DLG2: variants seen among roughly 807,000 people sequenced by gnomAD.
The protein encoded by DLG2 is discs large MAGUK scaffold protein 2, also known as disks large homolog 2.
DLG2 carries 45 observed loss-of-function variants against 132.5 expected under a neutral mutation model. The ratio of observed to expected loss-of-function variants is 0.34; its 90% CI spans 0.27 to 0.44. The LOEUF (loss-of-function observed/expected upper bound fraction) is 0.44, where lower values mean the gene tolerates loss of function less well. DLG2 is among the 20% of genes least tolerant of loss of function. The pLI, the probability that DLG2 is intolerant of heterozygous loss-of-function variation, is 1.00. For synonymous variants in DLG2, 424 were observed against 419.6 expected, an observed-to-expected ratio of 1.01 and a Z score of -0.13; for missense variants, 1,045 against 1,196.9, an observed-to-expected ratio of 0.87 and a Z score of 1.87.
At chr11:85,204,626 T>G (rs1315320411) in intron 4 of DLG2, among the ~76,000 whole-genome samples, 1 of 152,054 alleles carries the variant, frequency 6.6e-6, no homozygotes, top group Non-Finnish European at 1.5e-5. Context: ...AATCTACGAA[T>G]TCAATGCAAT....
At chr11:85,540,537 A>G (rs765893544) in intron 3 of DLG2, among the ~76,000 whole-genome samples, 26 of 152,122 alleles carry the variant, frequency 1.7e-4, no homozygotes, top group Non-Finnish European at 3.1e-4. Flanking sequence ...GCTACTTCCA[A>G]TCAATAAAAC....
chr11:84,024,321 G>GC (rs2095481504), intron 11 of DLG2, among the ~76,000 whole-genome samples: 1 of 152,134 alleles, frequency 6.6e-6, no homozygotes, highest in South Asian at 2.1e-4. Flanking sequence ...AGGGTCAACA[G>GC]AAGAAATACA....
At chr11:85,530,470 G>A (rs2075127385) in intron 3 of DLG2, among the ~76,000 whole-genome samples, 1 of 151,696 alleles carries the variant, frequency 6.6e-6, no homozygotes, top group Admixed American at 6.6e-5. Flanking sequence ...ACAGGCACAT[G>A]CCACCACGCC....
intron 18 of DLG2, among the ~76,000 whole-genome samples, chr11:83,718,801 G>T (rs1333701685): frequency 6.6e-6 from 1 of 152,094 alleles, no homozygotes. Context: ...ATGTTGCCCT[G>T]GGGTAAAAAG....
chr11:83,671,866 G>T (rs974509950), intron 18 of DLG2, among the ~76,000 whole-genome samples: 1 of 152,132 alleles, frequency 6.6e-6, no homozygotes, highest in African/African-American at 2.4e-5. Context: ...ATCTCCAATT[G>T]TCTCATTGTC....
chr11:83,970,109 G>A (rs950984274), intron 12 of DLG2, among the ~76,000 whole-genome samples: 2 of 152,146 alleles, frequency 1.3e-5, no homozygotes, highest in East Asian at 3.9e-4. Context: ...AACTGGATTA[G>A]ATTATAAGTG....
At chr11:84,427,578 G>A (rs1164765471) in intron 7 of DLG2, among the ~76,000 whole-genome samples, 1 of 152,060 alleles carries the variant, frequency 6.6e-6, no homozygotes, top group Non-Finnish European at 1.5e-5. Flanking sequence ...ATATAGGAAA[G>A]TCAGTCCTAT....
intron 11 of DLG2, among the ~76,000 whole-genome samples, chr11:83,996,916 A>G (rs1186144187): frequency 6.6e-6 from 1 of 152,124 alleles, no homozygotes; most frequent in East Asian, 1.9e-4. Flanking sequence ...TAGTCCAAAA[A>G]GACAAGTAAA....
intron 18 of DLG2, among the ~76,000 whole-genome samples, chr11:83,716,894 C>T (rs984079644): frequency 1.3e-5 from 2 of 152,024 alleles, no homozygotes; most frequent in Admixed American, 6.6e-5. Context: ...CCTGGAATTG[C>T]GTAGGCATGA....
chr11:84,237,839 C>G (rs1286003326), intron 8 of DLG2, among the ~76,000 whole-genome samples: 1 of 151,848 alleles, frequency 6.6e-6, no homozygotes, highest in Non-Finnish European at 1.5e-5. Flanking sequence ...CGTTCAAGAC[C>G]AGCCTGGCCA....
At chr11:85,403,833 T>C (rs2088447252) in intron 3 of DLG2, among the ~76,000 whole-genome samples, 1 of 152,066 alleles carries the variant, frequency 6.6e-6, no homozygotes, top group South Asian at 2.1e-4. Flanking sequence ...GCTGTTGTAA[T>C]ATACCACACA....
intron 3 of DLG2, among the ~76,000 whole-genome samples, chr11:85,386,849 G>C (rs2086374705): frequency 1.4e-5 from 2 of 147,168 alleles, no homozygotes; most frequent in Non-Finnish European, 3.0e-5. Context: ...TAAGACAATA[G>C]GAAGGCAACC....
intron 3 of DLG2, among the ~76,000 whole-genome samples, chr11:85,369,250 C>A (rs956496251): frequency 6.6e-6 from 1 of 152,134 alleles, no homozygotes; most frequent in Admixed American, 6.5e-5. Context: ...GGGTGTATGG[C>A]CCAAGGGTCC....
At chr11:84,354,089 C>A (rs1223922291) in intron 7 of DLG2, among the ~76,000 whole-genome samples, 12 of 152,156 alleles carry the variant, frequency 7.9e-5, no homozygotes, top group African/African-American at 2.7e-4. Flanking sequence ...CTCAAAAAAT[C>A]TGAATTAATG....
intron 3 of DLG2, among the ~76,000 whole-genome samples, chr11:85,291,941 T>C (rs576829359): frequency 1.3e-5 from 2 of 152,292 alleles, no homozygotes; most frequent in South Asian, 2.1e-4. Context: ...TTAAGACATA[T>C]GCCTTACGCT....
chr11:85,594,342 T>C (rs1180124426), intron 3 of DLG2, among the ~76,000 whole-genome samples: 2 of 152,196 alleles, frequency 1.3e-5, no homozygotes, highest in Non-Finnish European at 1.5e-5. Context: ...TAACACAAAG[T>C]CTAACATGTA....
At chr11:83,588,730 T>C (rs1593916485) in intron 19 of DLG2, among the ~76,000 whole-genome samples, 1 of 151,466 alleles carries the variant, frequency 6.6e-6, no homozygotes, top group African/African-American at 2.4e-5. Flanking sequence ...GCAAAGAAGT[T>C]GAAAACTTTG....
At chr11:84,047,200 T>C (rs1314658698) in intron 11 of DLG2, among the ~76,000 whole-genome samples, 1 of 151,714 alleles carries the variant, frequency 6.6e-6, no homozygotes, top group African/African-American at 2.4e-5. Flanking sequence ...TTTATTCTCA[T>C]TCCTTTAATT....
chr11:85,173,427 G>A (rs1266419618), intron 4 of DLG2, among the ~76,000 whole-genome samples: 1 of 152,166 alleles, frequency 6.6e-6, no homozygotes, highest in East Asian at 1.9e-4. Context: ...AAATGCTGAT[G>A]TAATTTATCA....
Sources: gnomAD v4.1 joint callset for allele counts (sites outside exome capture counted in the v4.1 genomes callset) on GRCh38, gnomAD v4.1.1 for gene constraint, MANE v1.5 for transcripts, NCBI Gene and HGNC (gene_info 2026-07-23, HGNC 2026-07-21) for gene names.